The following UFSP2 variants were observed in gnomAD, a reference collection of about 807,000 sequenced individuals.
UFSP2 encodes the protein UFM1 specific peptidase 2.
In UFSP2, 43 loss-of-function variants were observed where a neutral mutation model predicts 60.2. The observed-to-expected ratio is 0.71, with a 90% CI of 0.56 to 0.92. The LOEUF (loss-of-function observed/expected upper bound fraction) is 0.92, where lower values mean the gene tolerates loss of function less well. UFSP2 is among the 40% of genes least tolerant of loss of function. The pLI, the probability that UFSP2 is intolerant of heterozygous loss-of-function variation, is 0.00. For missense variants in UFSP2, 520 were observed against 575.0 expected (o/e 0.90, Z 0.98); for synonymous variants, 183 against 195.1 (o/e 0.94, Z 0.52).
intron 10 of UFSP2, among the ~76,000 whole-genome samples, chr4:185,403,820 CA>C (rs1004808318): frequency 6.6e-6 from 1 of 150,738 alleles, no homozygotes; most frequent in African/African-American, 2.4e-5. Flanking sequence ...TAAAAAAATA[CA>C]AAAAAAATAG....
rs932501762 is a variant in UFSP2, at chr4:185,399,596, C to T, written c.*796G>A. On this transcript the variant is annotated 3_prime_UTR_variant, in exon 12 of 12. Transcript: ENST00000264689. ...TTATGTAATAAGAACGGGCAAACAG[C>T]TGAAGATCTCGCTTGGTCATGTGGA... 1 of 1,614,170 alleles carries T rather than the reference C, an allele frequency of 6.2e-7. No individual in the cohort carries two copies. The highest frequency in any genetic ancestry group is 1.3e-5 in the African/African-American group (1 of 75,052).
chr4:185,403,491 T>TA lies in UFSP2; in HGVS notation c.1323+2dup, dbSNP rs770544650. 1.9e-6 allele frequency: 3 copies of TA among 1,612,048 alleles called. No individual in the cohort carries two copies. Among genetic ancestry groups the TA allele is most frequent in the African/African-American group, 2.7e-5 (2 of 74,890 alleles). On this transcript the variant is annotated splice_region_variant and intron_variant, in intron 11 of 11. Transcript: ENST00000264689. Reference sequence around the variant, plus strand: ...TCTCAATTTGTGTTAAATGGATACTTACCTTTTCCAAAATAACTTGCAGGT... The same window carrying TA: ...TCTCAATTTGTGTTAAATGGATACTTAACCTTTTCCAAAATAACTTGCAGGT...
In UFSP2 at chr4:185,425,954, A is replaced by G. The variant is rs991308283; in HGVS notation, c.-86T>C. The G allele has an allele frequency of 6.6e-7, 1 of 1,505,266 alleles. No homozygotes were observed. Among genetic ancestry groups the G allele is most frequent in the African/African-American group, 1.4e-5 (1 of 72,686 alleles). The allele number at this position is 1,505,266 out of a possible 1,614,324, so 93.2% of individuals were successfully genotyped here. On this transcript the variant is annotated 5_prime_UTR_variant, in exon 1 of 12. Coordinates refer to ENST00000264689, the MANE Select transcript of UFSP2 (RefSeq NM_018359.5). ...CTGAAGTGGTGTCACCGCACGGCCCAGGGGCGGGGCCCGGGCGGACCAACT... is the reference window on the plus strand; with the variant it reads ...CTGAAGTGGTGTCACCGCACGGCCCGGGGGCGGGGCCCGGGCGGACCAACT...
At chr4:185,401,302 C>T (rs2095512977) in intron 11 of UFSP2, among the ~76,000 whole-genome samples, 1 of 152,176 alleles carries the variant, frequency 6.6e-6, no homozygotes, top group African/African-American at 2.4e-5. Flanking sequence ...CCCTAGGTAA[C>T]CAGCATTCTA....
intron 10 of UFSP2, among the ~76,000 whole-genome samples, chr4:185,403,966 CAAA>C (rs779330516): frequency 1.2e-5 from 1 of 85,110 alleles, no homozygotes; most frequent in Admixed American, 1.7e-4. Flanking sequence ...GCAAGACTCT[CAAA>C]AAAAAAAACA....
Position 185,425,882 on chromosome 4 carries a change from C to T in UFSP2, c.-14G>A. 6.2e-7 allele frequency: 1 copy of T among 1,600,678 alleles called. No homozygotes were observed. Among genetic ancestry groups the T allele is most frequent in the East Asian group, 2.3e-5 (1 of 44,184 alleles). On this transcript the variant is annotated 5_prime_UTR_variant, in exon 1 of 12. Coordinates refer to ENST00000264689, the MANE Select transcript of UFSP2 (RefSeq NM_018359.5). ...GATACTCACCATGTCCGCGACGTGG[C>T]GGTGACACGGGCGCTGACGCCTGCC... is the stretch of plus-strand genomic sequence containing the variant.
chr4:185,420,516 A>C (rs925251705), intron 2 of UFSP2, among the ~76,000 whole-genome samples: 15 of 152,256 alleles, frequency 9.9e-5, no homozygotes, highest in African/African-American at 3.4e-4. Flanking sequence ...TAAATAAATA[A>C]ACAACGACCA....
rs1554024899 is a variant in UFSP2 at position 185,418,068 on chromosome 4, A to AC, written c.333+372_333+373insG. Among the ~76,000 whole-genome samples, 368 of 151,440 alleles carry AC rather than the reference A, an allele frequency of 2.4e-3. 2 individuals carry two copies. Among genetic ancestry groups the AC allele is most frequent in the African/African-American group, 7.3e-3 (302 of 41,142 alleles). On this transcript the variant is annotated intron_variant, in intron 4 of 11. Coordinates refer to ENST00000264689, the MANE Select transcript of UFSP2 (RefSeq NM_018359.5). Reference sequence around the variant, plus strand: ...TCAAAACACACACACACACACACACAAACAACAGAACCAAGAGTAGTGTGA... The same window carrying AC: ...TCAAAACACACACACACACACACACACAACAACAGAACCAAGAGTAGTGTGA...
rs758542965 is a variant in UFSP2, at chr4:185,399,986, GT to G, written c.*405del. ...GGGATAAAACTCTTTTTAAAAAAAA[GT>G]TTTTAATGTTAACGTGTTTTTAAAA... On this transcript the variant is annotated 3_prime_UTR_variant, in exon 12 of 12. Coordinates refer to ENST00000264689, the MANE Select transcript of UFSP2 (RefSeq NM_018359.5). 1.3e-5 allele frequency: 21 copies of G among 1,597,572 alleles called. No individual in the cohort carries two copies. In the South Asian group the frequency reaches 2.3e-4, roughly 17 times the overall value.
chr4:185,424,158 T>C (rs1261405892), intron 1 of UFSP2, among the ~76,000 whole-genome samples: 1 of 148,110 alleles, frequency 6.8e-6, no homozygotes, highest in East Asian at 2.0e-4. Flanking sequence ...AAAAAAAAAA[T>C]TAGCTGAGTG....
intron 9 of UFSP2, 127 bp downstream of exon 9, chr4:185,407,809 G>A: frequency 1.0e-6 from 1 of 1,000,540 alleles, no homozygotes; most frequent in South Asian, 2.4e-5. Context: ...ATAAAGCAAT[G>A]AGTAATAAGG....
chr4:185,405,909 A>G (rs2095519801), intron 9 of UFSP2, 53 bp from the exon 10 acceptor site: 1 of 1,613,144 alleles, frequency 6.2e-7, no homozygotes, highest in African/African-American at 1.3e-5. Context: ...CTACGGTCAA[A>G]TAATGAGCTA....
chr4:185,400,580 C>G lies in UFSP2; in HGVS notation c.1324-102G>C, dbSNP rs1327641567. ...CTGTCAGCAGGACCTTGGAATAAGA[C>G]TCTAAATGGCTTTATCATTCAAGGA... On this transcript the variant is annotated intron_variant, in intron 11 of 11. Transcript: ENST00000264689. The G allele has an allele frequency of 4.4e-6, 3 of 684,746 alleles. No homozygotes were observed. In the African/African-American group the frequency reaches 5.5e-5, roughly 12 times the overall value. 42.4% of individuals were successfully genotyped at this position (684,746 alleles called of 1,614,324 possible). A position where few individuals can be genotyped will look rare whatever the true frequency, so the allele number is the denominator to read the frequency against.
chr4:185,425,092 G>C (rs2095556937), intron 1 of UFSP2, among the ~76,000 whole-genome samples: 1 of 152,214 alleles, frequency 6.6e-6, no homozygotes, highest in African/African-American at 2.4e-5. Flanking sequence ...TGGCGACAGT[G>C]ACAACAGACA....
chr4:185,412,428 G>A (rs1288556112), intron 7 of UFSP2, among the ~76,000 whole-genome samples: 3 of 152,066 alleles, frequency 2.0e-5, no homozygotes, highest in African/African-American at 4.8e-5. Context: ...GTACTGTATC[G>A]TATATGCATT....
At chr4:185,405,012 T>TC (rs2095518621) in intron 10 of UFSP2, among the ~76,000 whole-genome samples, 1 of 151,144 alleles carries the variant, frequency 6.6e-6, no homozygotes, top group Non-Finnish European at 1.5e-5. Flanking sequence ...CTTTTTTTTT[T>TC]TTTTTTCTTT....
Position 185,399,686 on chromosome 4 carries a change from A to G in UFSP2, c.*706T>C, listed in dbSNP as rs2095510734. On this transcript the variant is annotated 3_prime_UTR_variant, in exon 12 of 12. Transcript: ENST00000264689. ...ATGCAGACAATAAAAGCAAGTGAACACCCTGACAGGAATGATTGTGTTGCC... is the reference window on the plus strand; with the variant it reads ...ATGCAGACAATAAAAGCAAGTGAACGCCCTGACAGGAATGATTGTGTTGCC... 6.2e-7 allele frequency: 1 copy of G among 1,614,158 alleles called. No homozygotes were observed. The highest frequency in any genetic ancestry group is 8.5e-7 in the Non-Finnish European group (1 of 1,180,038).
At chr4:185,401,220 T>TA (rs2095512879) in intron 11 of UFSP2, among the ~76,000 whole-genome samples, 1 of 152,252 alleles carries the variant, frequency 6.6e-6, no homozygotes, top group South Asian at 2.1e-4. Flanking sequence ...TCCCTCCTAA[T>TA]AAGATACACG....
At chr4:185,418,382 A>G (rs2095543116) in intron 4 of UFSP2, 59 bp downstream of exon 4, 3 of 1,305,092 alleles carry the variant, frequency 2.3e-6, no homozygotes, top group Non-Finnish European at 3.2e-6. Context: ...GATTGCACTC[A>G]GTTCCAAATC....
Sources: allele counts gnomAD v4.1 joint callset (sites outside exome capture counted in the v4.1 genomes callset), GRCh38; gene constraint gnomAD v4.1.1; transcripts MANE v1.5; gene names NCBI Gene and HGNC (gene_info 2026-07-23, HGNC 2026-07-21).